The following PIK3C2G variants were observed in gnomAD, a reference collection of about 807,000 sequenced individuals.
PIK3C2G encodes the protein phosphatidylinositol-4-phosphate 3-kinase catalytic subunit type 2 gamma.
In PIK3C2G, 168 loss-of-function variants were observed where a neutral mutation model predicts 181.1. The observed-to-expected ratio is 0.93, with a 90% CI of 0.82 to 1.05. PIK3C2G has a LOEUF of 1.05. Ranked by LOEUF, PIK3C2G falls within the 50% of genes least tolerant of loss-of-function variation. PIK3C2G has a pLI of 0.00. For synonymous variants in PIK3C2G, 573 were observed against 592.2 expected (o/e 0.97, Z 0.47); for missense variants, 1,869 against 1,732.8 (o/e 1.08, Z -1.40).
chr12:18,568,673 G>GA (rs564298613), intron 29 of PIK3C2G, among the ~76,000 whole-genome samples: 16 of 152,050 alleles, frequency 1.1e-4, no homozygotes, highest in Admixed American at 2.6e-4. Context: ...ATTTCAATAT[G>GA]AATCTCATCC....
At chr12:18,723,594 A>T in the PIK3C2G span, 1 of 1,321,412 alleles carries the variant, frequency 7.6e-7, no homozygotes, top group Admixed American at 1.7e-5. Context: ...AAAATACATA[A>T]AATGAATATT....
At chr12:18,432,213 C>T (rs1433236854) in intron 18 of PIK3C2G, among the ~76,000 whole-genome samples, 1 of 152,002 alleles carries the variant, frequency 6.6e-6, no homozygotes, top group Non-Finnish European at 1.5e-5. Flanking sequence ...AAACTTCTAC[C>T]ACAAATCAAG....
chr12:18,277,794 AG>A (rs1217090516), intron 1 of PIK3C2G, among the ~76,000 whole-genome samples: 1 of 152,148 alleles, frequency 6.6e-6, no homozygotes, highest in Non-Finnish European at 1.5e-5. Flanking sequence ...AGCAGCTGGC[AG>A]GGGCTGTCCT....
intron 29 of PIK3C2G, among the ~76,000 whole-genome samples, chr12:18,568,416 G>C (rs1592605721): frequency 6.7e-6 from 1 of 149,266 alleles, no homozygotes; most frequent in African/African-American, 2.5e-5. Flanking sequence ...GTGTGTGTCT[G>C]TGTGTGTGTG....
chr12:18,399,748 C>T lies in PIK3C2G; in HGVS notation c.2216C>T (p.Ala739Val), dbSNP rs1443845212. 4 of 1,605,264 alleles carry T rather than the reference C, an allele frequency of 2.5e-6. No homozygotes were observed. Among genetic ancestry groups the T allele is most frequent in the Non-Finnish European group, 3.4e-6 (4 of 1,173,390 alleles). Reference sequence around the variant, plus strand: ...TCCCTTCCTTTAGTCCTGGGTAGTGCCCCTGGATGGGATGAAAGGACTGTT... The same window carrying T: ...TCCCTTCCTTTAGTCCTGGGTAGTGTCCCTGGATGGGATGAAAGGACTGTT... ...NCSLPLVLGSAPGWDERTVSE... is the reference protein window; with the variant it reads ...NCSLPLVLGSVPGWDERTVSE... Residue 739 changes from alanine to valine, a missense_variant, in exon 16 of 33, where the codon GCC becomes GTC. Physicochemically the swap from Ala to Val is moderately conservative, Grantham distance 64. Coordinates refer to ENST00000538779, the MANE Select transcript of PIK3C2G (RefSeq NM_001288772.2).
chr12:18,702,415 G>A, the PIK3C2G span, among the ~76,000 whole-genome samples: 1 of 151,998 alleles, frequency 6.6e-6, no homozygotes, highest in African/African-American at 2.4e-5. Context: ...CTGCCCTTAG[G>A]ATAATTTCTT....
intron 8 of PIK3C2G, among the ~76,000 whole-genome samples, chr12:18,330,126 C>T (rs963398077): frequency 8.6e-5 from 13 of 151,978 alleles, no homozygotes; most frequent in African/African-American, 2.9e-4. Flanking sequence ...GGGCTTTTCG[C>T]TTTAATTATA....
At chr12:18,425,743 G>T (rs1423793540) in intron 18 of PIK3C2G, among the ~76,000 whole-genome samples, 1 of 152,086 alleles carries the variant, frequency 6.6e-6, no homozygotes, top group Non-Finnish European at 1.5e-5. Context: ...GAAATGGAGA[G>T]AGAATTGTTT....
chr12:18,257,080 T>C (rs1446706642), upstream of PIK3C2G, among the ~76,000 whole-genome samples: 1 of 152,134 alleles, frequency 6.6e-6, no homozygotes, highest in Non-Finnish European at 1.5e-5. Context: ...TTCCAGAATA[T>C]TGCATGCTTT....
chr12:18,684,997 C>T, the PIK3C2G span, among the ~76,000 whole-genome samples: 1 of 152,000 alleles, frequency 6.6e-6, no homozygotes, highest in Non-Finnish European at 1.5e-5. Flanking sequence ...TTCTAAGTTT[C>T]CTGAGGCCTC....
the PIK3C2G span, chr12:18,699,852 T>A: frequency 6.2e-7 from 1 of 1,613,478 alleles, no homozygotes; most frequent in Non-Finnish European, 8.5e-7. Flanking sequence ...TTTCATTAAA[T>A]TGCTGATATA....
At chr12:18,637,399 TA>T (rs889609431) in intron 31 of PIK3C2G, among the ~76,000 whole-genome samples, 19 of 31,292 alleles carry the variant, frequency 6.1e-4, no homozygotes, top group African/African-American at 1.4e-3. Context: ...TTGACCTAGA[TA>T]TTTTTTTTTT....
intron 11 of PIK3C2G, among the ~76,000 whole-genome samples, chr12:18,351,111 ACTTTCTGAGATG>A (rs1940176693): frequency 6.6e-6 from 1 of 152,138 alleles, no homozygotes; most frequent in Non-Finnish European, 1.5e-5. Context: ...GATCTCATCC[ACTTTCTGAGATG>A]CAACTTAGAA....
rs754123698 is a variant in PIK3C2G at position 18,338,537 on chromosome 12, A to G, written c.1384A>G (p.Arg462Gly). ...AAATGAACTAAGTCTAATTCTTCAG[A>G]GAAAAGGAGAGGTAAGTACATTCAT... ...AVNELSLILQ[R>G]KGENFYQSSE... The change falls in exon 9 of 33, where the codon AGA becomes GGA. Residue 462 changes from arginine to glycine, a missense_variant. Arg to Gly is a moderately radical substitution (Grantham distance 125, BLOSUM62 -2). Coordinates refer to ENST00000538779, the MANE Select transcript of PIK3C2G (RefSeq NM_001288772.2). The G allele has an allele frequency of 6.3e-7, 1 of 1,588,268 alleles. No individual in the cohort carries two copies. Among genetic ancestry groups the G allele is most frequent in the South Asian group, 1.1e-5 (1 of 89,846 alleles).
chr12:18,330,059 T>G (rs185973789), intron 8 of PIK3C2G, among the ~76,000 whole-genome samples: 79 of 152,244 alleles, frequency 5.2e-4, no homozygotes, highest in African/African-American at 1.7e-3. Context: ...ATGGGAGTTC[T>G]TTATATATTT....
chr12:18,339,294 T>A (rs1472990400), intron 9 of PIK3C2G, among the ~76,000 whole-genome samples: 2 of 152,176 alleles, frequency 1.3e-5, no homozygotes, highest in African/African-American at 4.8e-5. Flanking sequence ...TCCATTGTAA[T>A]GTATAAAATA....
intron 30 of PIK3C2G, among the ~76,000 whole-genome samples, chr12:18,607,594 C>A (rs893348958): frequency 3.9e-5 from 6 of 152,072 alleles, no homozygotes; most frequent in African/African-American, 1.4e-4. Flanking sequence ...AACCATAAAA[C>A]CCTAGAAGAA....
intron 1 of PIK3C2G, among the ~76,000 whole-genome samples, chr12:18,250,100 CAA>C (rs1316125340): frequency 2.0e-5 from 3 of 152,116 alleles, no homozygotes; most frequent in Middle Eastern, 6.8e-3. Context: ...CTCAAGCAAA[CAA>C]AATGTTAAGT....
chr12:18,708,362 C>A, the PIK3C2G span, among the ~76,000 whole-genome samples: 1 of 152,180 alleles, frequency 6.6e-6, no homozygotes, highest in South Asian at 2.1e-4. Context: ...TTTGTAAAGA[C>A]TGAATCATAT....
Sources: gnomAD v4.1 joint callset for allele counts (sites outside exome capture counted in the v4.1 genomes callset) on GRCh38, gnomAD v4.1.1 for gene constraint, MANE v1.5 for transcripts, NCBI Gene and HGNC (gene_info 2026-07-23, HGNC 2026-07-21) for gene names.